ETV7: variants seen among roughly 807,000 people sequenced by gnomAD.
ETV7 encodes the protein transcription factor ETV7.
A neutral mutation model predicts 39.1 loss-of-function variants in ETV7; 43 were observed. That is an observed-to-expected ratio of 1.10 (90% CI 0.86 to 1.42). The LOEUF (loss-of-function observed/expected upper bound fraction) is 1.42. ETV7 is among the 40% of genes most tolerant of loss of function. The pLI is 0.00. For synonymous variants in ETV7, 196 were observed against 176.6 expected, an observed-to-expected ratio of 1.11 and a Z score of -0.87; for missense variants, 432 against 442.3, an observed-to-expected ratio of 0.98 and a Z score of 0.21.
intron 7 of ETV7, among the ~76,000 whole-genome samples, chr6:36,361,152 T>C (rs755334337): frequency 6.6e-6 from 1 of 152,244 alleles, no homozygotes; most frequent in Non-Finnish European, 1.5e-5. Flanking sequence ...CTGAGTTGCA[T>C]ATACTGGTTT....
intron 2 of ETV7, among the ~76,000 whole-genome samples, chr6:36,378,430 A>G (rs1773485139): frequency 6.6e-6 from 1 of 152,222 alleles, no homozygotes; most frequent in Non-Finnish European, 1.5e-5. Flanking sequence ...GACCTCAACC[A>G]TGACAGGAAA....
intron 2 of ETV7, among the ~76,000 whole-genome samples, chr6:36,376,318 C>T (rs1773346138): frequency 6.6e-6 from 1 of 152,222 alleles, no homozygotes; most frequent in Middle Eastern, 3.2e-3. Context: ...TCCAATCATT[C>T]ATTCAACAAG....
rs758806440 is a variant in ETV7, at chr6:36,373,561, G to A, written c.325C>T (p.Leu109=). The A allele has an allele frequency of 2.4e-5, 23 of 946,272 alleles. No individual in the cohort carries two copies. The highest frequency in any genetic ancestry group is 3.0e-6 in the Non-Finnish European group (2 of 671,662). The allele number at this position is 946,272 out of a possible 1,614,324, so 58.6% of individuals were successfully genotyped here. ...CGCTGGGTCTTGATGTACTGGAGCA[G>A]CTCATACAGGACGTCACCTGGAGGT... The part of the protein sequence containing the change: ...APSSGDVLYE[L]LQYIKTQRRA... The change falls in exon 4 of 8, where the codon CTG becomes TTG. Residue 109 remains leucine (L), a synonymous_variant. Transcript: ENST00000340181.
chr6:36,361,013 G>A (rs1198193466), intron 7 of ETV7, among the ~76,000 whole-genome samples: 1 of 152,124 alleles, frequency 6.6e-6, no homozygotes, highest in Non-Finnish European at 1.5e-5. Context: ...CTACTTCTGT[G>A]CAAACTTTCC....
chr6:36,386,115 G>A (rs1773884848), intron 1 of ETV7, among the ~76,000 whole-genome samples: 1 of 152,150 alleles, frequency 6.6e-6, no homozygotes, highest in Non-Finnish European at 1.5e-5. Flanking sequence ...ATTACTTGAG[G>A]TCAGGAGTTT....
Position 36,385,686 on chromosome 6 carries a change from C to T in ETV7, c.7-17G>A, listed in dbSNP as rs371411618. The T allele has an allele frequency of 7.6e-6, 12 of 1,584,920 alleles. No individual in the cohort carries two copies. The highest frequency in any genetic ancestry group is 1.9e-5 in the Admixed American group (1 of 51,876). ...TTCTCCCTCCTAGAGAGAGAAAAAC[C>T]AGGACAGTCAAAGAAGAGCATCTTG... On this transcript the variant is annotated splice_polypyrimidine_tract_variant and intron_variant, in intron 1 of 7. Coordinates refer to ENST00000340181, the MANE Select transcript of ETV7 (RefSeq NM_016135.4).
At position 36,376,090 on chromosome 6, in the gene ETV7, C is replaced by T; in HGVS notation, c.143-55G>A. On this transcript the variant is annotated intron_variant, in intron 2 of 7. Transcript: ENST00000340181. ...TCCCCGTCGGGCCTCCTCAAAGAAGCCCACCCTGAACACTTCATCTGAGCA... is the reference window on the plus strand; with the variant it reads ...TCCCCGTCGGGCCTCCTCAAAGAAGTCCACCCTGAACACTTCATCTGAGCA... 3 of 1,525,748 alleles carry T rather than the reference C, an allele frequency of 2.0e-6. No homozygotes were observed. In the South Asian group the frequency reaches 3.7e-5, roughly 19 times the overall value. 94.5% of individuals were successfully genotyped at this position (1,525,748 alleles called of 1,614,324 possible). A position where few individuals can be genotyped will look rare whatever the true frequency, so the allele number is the denominator to read the frequency against.
intron 2 of ETV7, among the ~76,000 whole-genome samples, chr6:36,376,903 A>G (rs976513104): frequency 6.6e-6 from 1 of 152,094 alleles, no homozygotes; most frequent in Non-Finnish European, 1.5e-5. Flanking sequence ...CTGTCTGGCT[A>G]TTGAACTTTT....
At chr6:36,375,157 G>T (rs1214475457) in intron 3 of ETV7, among the ~76,000 whole-genome samples, 6 of 151,926 alleles carry the variant, frequency 3.9e-5, no homozygotes, top group African/African-American at 1.5e-4. Context: ...ATTTCAGAAC[G>T]TCTCTTTGCC....
intron 7 of ETV7, among the ~76,000 whole-genome samples, chr6:36,357,728 A>G (rs114010346): frequency 4.1e-4 from 62 of 152,116 alleles, no homozygotes; most frequent in African/African-American, 1.3e-3. Context: ...AATATAAAAA[A>G]TTAGCCAAGT....
chr6:36,377,732 C>A (rs767610398), intron 2 of ETV7, among the ~76,000 whole-genome samples: 1 of 152,206 alleles, frequency 6.6e-6, no homozygotes, highest in Non-Finnish European at 1.5e-5. Flanking sequence ...TGAGTACCAG[C>A]TTGTGTCAGT....
At chr6:36,364,532 A>G (rs1047710085), downstream of ETV7, among the ~76,000 whole-genome samples, 1 of 152,192 alleles carries the variant, frequency 6.6e-6, no homozygotes, top group East Asian at 1.9e-4. Flanking sequence ...CGAGTGCGGG[A>G]CCCGCCAAGC....
chr6:36,364,230 G>A (rs890677328), downstream of ETV7, among the ~76,000 whole-genome samples: 5 of 152,240 alleles, frequency 3.3e-5, no homozygotes, highest in African/African-American at 2.4e-5. Context: ...CCGTGAGCCC[G>A]CACTCCTCAG....
At chr6:36,375,758 T>G in intron 3 of ETV7, 113 bp downstream of exon 3, 1 of 1,535,898 alleles carries the variant, frequency 6.5e-7, no homozygotes, top group Non-Finnish European at 8.9e-7. Flanking sequence ...GAAATGAGCA[T>G]GATTCCCCAA....
downstream of ETV7, among the ~76,000 whole-genome samples, chr6:36,361,849 A>G (rs916095431): frequency 2.6e-5 from 4 of 152,198 alleles, no homozygotes; most frequent in Non-Finnish European, 5.9e-5. Flanking sequence ...AAACCATGAG[A>G]ATGTATCTCC....
At chr6:36,382,699 C>T (rs1773711469) in intron 2 of ETV7, among the ~76,000 whole-genome samples, 1 of 152,188 alleles carries the variant, frequency 6.6e-6, no homozygotes, top group Non-Finnish European at 1.5e-5. Flanking sequence ...CAGGGAGTCA[C>T]AGAGAGGTGT....
intron 4 of ETV7, among the ~76,000 whole-genome samples, chr6:36,373,002 G>A (rs1773108304): frequency 6.6e-6 from 1 of 151,660 alleles, no homozygotes; most frequent in Non-Finnish European, 1.5e-5. Flanking sequence ...ACACCAGTGG[G>A]GTAGAGGAGA....
At chr6:36,373,634 A>AGCCTCATCCCCCTGCAGCCACCT in intron 3 of ETV7, 56 bp from the exon 4 acceptor site, 1 of 1,483,600 alleles carries the variant, frequency 6.7e-7, no homozygotes. Context: ...GGGGAGGGCC[A>AGCCTCATCCCCCTGCAGCCACCT]GCCTCATCCC....
chr6:36,376,073 G>T, intron 2 of ETV7, 38 bp from the exon 3 acceptor site: 1 of 1,563,704 alleles, frequency 6.4e-7, no homozygotes, highest in Non-Finnish European at 8.7e-7. Flanking sequence ...ACTCCCCGTC[G>T]GGCCTCCTCA....
Sources: gnomAD v4.1 joint callset for allele counts (sites outside exome capture counted in the v4.1 genomes callset) on GRCh38, gnomAD v4.1.1 for gene constraint, MANE v1.5 for transcripts, NCBI Gene and HGNC (gene_info 2026-07-23, HGNC 2026-07-21) for gene names.